The following ZNF469 variants were observed in gnomAD, a reference collection of about 807,000 sequenced individuals.
ZNF469 encodes the protein zinc finger protein 469.
ZNF469 carries 1 observed loss-of-function variant against 1.0 expected under a neutral mutation model. That is an observed-to-expected ratio of 1.00 (90% CI 0.35 to 4.73). The LOEUF (loss-of-function observed/expected upper bound fraction) is 4.73. Ranked by LOEUF, ZNF469 falls within the 30% of genes most tolerant of loss-of-function variation. The pLI is 0.16. For missense variants in ZNF469, 6,100 were observed against 5,356.3 expected (o/e 1.14, Z -4.33); for synonymous variants, 2,703 against 2,363.4 (o/e 1.14, Z -4.17).
At chr16:88,368,352 A>G in the ZNF469 span, among the ~76,000 whole-genome samples, 3 of 152,206 alleles carry the variant, frequency 2.0e-5, no homozygotes, top group African/African-American at 7.2e-5. Context: ...GGCAGCAGAG[A>G]ACTCAGCTCT....
intron 1 of ZNF469, among the ~76,000 whole-genome samples, chr16:88,420,437 T>C (rs1486541812): frequency 6.6e-6 from 1 of 152,068 alleles, no homozygotes; most frequent in Non-Finnish European, 1.5e-5. Context: ...CAAGGACCCA[T>C]CAGATCCAAC....
the ZNF469 span, among the ~76,000 whole-genome samples, chr16:88,244,226 T>G: frequency 8.4e-6 from 1 of 119,528 alleles, no homozygotes; most frequent in African/African-American, 3.3e-5. Flanking sequence ...CATGCATGGA[T>G]GGGTGGGTGG....
chr16:88,429,960 G>C lies in ZNF469; in HGVS notation c.2490G>C (p.Ser830=). ...LAATPFPLPA[S]DLDMEDDAKL... ...CCACCCCCTTCCCGCTCCCTGCCTCGGACCTGGACATGGAGGATGACGCCA... is the reference window on the plus strand; with the variant it reads ...CCACCCCCTTCCCGCTCCCTGCCTCCGACCTGGACATGGAGGATGACGCCA... The change falls in exon 3 of 3, where the codon TCG becomes TCC. Residue 830 remains serine, a synonymous_variant. Coordinates refer to ENST00000565624, the MANE Select transcript of ZNF469 (RefSeq NM_001367624.2). 1 of 1,550,230 alleles carries C rather than the reference G, an allele frequency of 6.5e-7. No individual in the cohort carries two copies. The highest frequency in any genetic ancestry group is 1.2e-5 in the South Asian group (1 of 84,056).
At chr16:88,337,305 T>C in the ZNF469 span, among the ~76,000 whole-genome samples, 7 of 152,118 alleles carry the variant, frequency 4.6e-5, no homozygotes, top group Non-Finnish European at 8.8e-5. Context: ...TCTCATGAGA[T>C]CTGATGGTTT....
the ZNF469 span, among the ~76,000 whole-genome samples, chr16:88,214,474 T>TTA: frequency 6.6e-6 from 1 of 150,722 alleles, no homozygotes. Context: ...TCTTTTGAGT[T>TTA]TTTTTTTTAG....
the ZNF469 span, among the ~76,000 whole-genome samples, chr16:88,183,285 A>G: frequency 1.3e-5 from 2 of 152,164 alleles, no homozygotes; most frequent in African/African-American, 4.8e-5. Flanking sequence ...TACCCTTAAC[A>G]CGGGCTCCAG....
chr16:88,367,194 T>C, the ZNF469 span, among the ~76,000 whole-genome samples: 1 of 152,224 alleles, frequency 6.6e-6, no homozygotes, highest in Non-Finnish European at 1.5e-5. Context: ...GAGCTCCAAC[T>C]GTATACCAAG....
At chr16:88,144,557 T>G in the ZNF469 span, among the ~76,000 whole-genome samples, 1 of 152,232 alleles carries the variant, frequency 6.6e-6, no homozygotes. Flanking sequence ...CAAGGACAGA[T>G]GAGGTCACAG....
At chr16:88,237,707 AGTCACCCTCCCTGCCCTC>A in the ZNF469 span, among the ~76,000 whole-genome samples, 1 of 48,974 alleles carries the variant, frequency 2.0e-5, no homozygotes, top group African/African-American at 6.7e-5. Context: ...TGCTCCTGCC[AGTCACCCTCCCTGCCCTC>A]CGTGCTCCTG....
At position 88,427,911 on chromosome 16, in the gene ZNF469, C is replaced by A. The variant is rs1483862101; in HGVS notation, c.441C>A (p.Leu147=). The A allele has an allele frequency of 6.5e-7, 1 of 1,549,926 alleles. No homozygotes were observed. The highest frequency in any genetic ancestry group is 1.2e-5 in the South Asian group (1 of 84,054). Residue 147 remains leucine (L), a synonymous_variant, in exon 3 of 3, where the codon CTC becomes CTA. Transcript: ENST00000565624. The stretch of plus-strand genomic sequence containing the variant: ...ACCCACAGCTGGAGGCTGCCCAGCT[C>A]CCTGAGGTGGACACCCCCCAGGGCC... ...PENPQLEAAQ[L]PEVDTPQGPG...
chr16:88,131,499 G>A, the ZNF469 span, among the ~76,000 whole-genome samples: 1 of 150,110 alleles, frequency 6.7e-6, no homozygotes, highest in Non-Finnish European at 1.5e-5. Flanking sequence ...AGAACCTCTC[G>A]GCGCTGCCTT....
chr16:88,240,469 G>A, the ZNF469 span, among the ~76,000 whole-genome samples: 19 of 152,178 alleles, frequency 1.2e-4, no homozygotes, highest in African/African-American at 4.6e-4. Flanking sequence ...GATCGGTCAC[G>A]GGCATGCTGA....
chr16:88,398,732 C>T (rs1026941233), intron 1 of ZNF469, among the ~76,000 whole-genome samples: 2 of 151,984 alleles, frequency 1.3e-5, no homozygotes, highest in African/African-American at 2.4e-5. Context: ...ACACGTGAGT[C>T]CCAGAGGAAG....
At chr16:88,116,951 GCGTGCACACACACA>G in the ZNF469 span, among the ~76,000 whole-genome samples, 1 of 46,026 alleles carries the variant, frequency 2.2e-5, no homozygotes, top group Non-Finnish European at 4.7e-5. Context: ...TGAAGTGCAT[GCGTGCACACACACA>G]CACACACACA....
the ZNF469 span, among the ~76,000 whole-genome samples, chr16:88,371,921 CCACCATCACCATCACCACCATCAT>C: frequency 2.3e-5 from 3 of 129,588 alleles, no homozygotes; most frequent in Non-Finnish European, 4.9e-5. Context: ...ACCATGATTA[CCACCATCACCATCACCACCATCAT>C]CACCATCACC....
the ZNF469 span, among the ~76,000 whole-genome samples, chr16:88,219,968 C>T: frequency 6.6e-6 from 1 of 152,194 alleles, no homozygotes; most frequent in Non-Finnish European, 1.5e-5. Context: ...TCCTGGTTCT[C>T]CCCTAGAGAG....
chr16:88,438,300 T>C lies in ZNF469; in HGVS notation c.10830T>C (p.Asp3610=). 1 of 1,548,972 alleles carries C rather than the reference T, an allele frequency of 6.5e-7. No individual in the cohort carries two copies. The highest frequency in any genetic ancestry group is 8.7e-7 in the Non-Finnish European group (1 of 1,145,914). ...CGCGGCCGGGAGCCAGAGGCCAAGA[T>C]GCGGAGGGAAAGAGGGCTCCTCTCG... ...SLPRPGARGQ[D]AEGKRAPLVF... The change falls in exon 3 of 3, where the codon GAT becomes GAC. Residue 3610 remains aspartate, a synonymous_variant. Transcript: ENST00000565624.
intron 1 of ZNF469, among the ~76,000 whole-genome samples, chr16:88,421,045 G>A (rs1257219966): frequency 6.6e-6 from 1 of 152,230 alleles, no homozygotes; most frequent in Non-Finnish European, 1.5e-5. Context: ...ACCAGGGGCA[G>A]ATTGGGGAGA....
At chr16:88,407,515 C>T (rs1346827744) in intron 1 of ZNF469, among the ~76,000 whole-genome samples, 1 of 152,218 alleles carries the variant, frequency 6.6e-6, no homozygotes, top group Non-Finnish European at 1.5e-5. Context: ...GGACACCGAA[C>T]GAGGCCGTGT....
Sources: allele counts gnomAD v4.1 joint callset (sites outside exome capture counted in the v4.1 genomes callset), GRCh38; gene constraint gnomAD v4.1.1; transcripts MANE v1.5; gene names NCBI Gene and HGNC (gene_info 2026-07-23, HGNC 2026-07-21).